PCDHGB2: variants seen among roughly 807,000 people sequenced by gnomAD.
PCDHGB2 encodes the protein protocadherin gamma-B2.
In PCDHGB2, 55 loss-of-function variants were observed where a neutral mutation model predicts 59.3. The ratio of observed to expected loss-of-function variants is 0.93; its 90% CI spans 0.75 to 1.16. The LOEUF (loss-of-function observed/expected upper bound fraction) is 1.16. Ranked by LOEUF, PCDHGB2 falls within the 50% of genes most tolerant of loss-of-function variation. PCDHGB2 has a pLI of 0.00. For synonymous variants in PCDHGB2, 516 were observed against 512.0 expected (o/e 1.01, Z -0.11); for missense variants, 1,228 against 1,198.5 (o/e 1.02, Z -0.36).
intron 1 of PCDHGB2, among the ~76,000 whole-genome samples, chr5:141,472,869 C>T (rs919331906): frequency 6.6e-6 from 1 of 151,388 alleles, no homozygotes; most frequent in Non-Finnish European, 1.5e-5. Context: ...GCCTGTATTC[C>T]CAGCTACTCG....
At chr5:141,403,306 A>C in intron 1 of PCDHGB2, 1 of 1,613,908 alleles carries the variant, frequency 6.2e-7, no homozygotes, top group Non-Finnish European at 8.5e-7. Context: ...AACTGTACGG[A>C]ATAGAAATAG....
chr5:141,493,140 C>T lies in PCDHGB2; in HGVS notation c.2422-1667C>T, dbSNP rs2099746336. Among the ~76,000 whole-genome samples, 1 of 146,374 alleles carries T rather than the reference C, an allele frequency of 6.8e-6. No homozygotes were observed. Among genetic ancestry groups the T allele is most frequent in the African/African-American group, 2.5e-5 (1 of 40,746 alleles). ...GCTCCTAGGACTGTATTTTGAAACACCCCCAGGTGATTTTGATAGCTGATT... is the reference window on the plus strand; with the variant it reads ...GCTCCTAGGACTGTATTTTGAAACATCCCCAGGTGATTTTGATAGCTGATT... On this transcript the variant is annotated intron_variant, in intron 1 of 3. Transcript: ENST00000522605. This position sits in a 1 kb window ranked among gnomAD's most constrained non-coding sequence, Gnocchi z 4.3.
At position 141,405,317 on chromosome 5, in the gene PCDHGB2, G is replaced by A. The variant is rs1443108777; in HGVS notation, c.2421+42761G>A. ...CAGCCAGCAGAGCTGTGAGAAAAAT[G>A]AGCCTTTGTGCGTCTCTGTTGATTC... On this transcript the variant is annotated intron_variant, in intron 1 of 3. Coordinates refer to ENST00000522605, the MANE Select transcript of PCDHGB2 (RefSeq NM_018923.3). 2.5e-6 allele frequency: 4 copies of A among 1,614,080 alleles called. No individual in the cohort carries two copies. The African/African-American group carries it at 5.3e-5, about 22-fold the overall frequency.
chr5:141,376,309 C>A (rs775051431), intron 1 of PCDHGB2: 109 of 1,614,030 alleles, frequency 6.8e-5, no homozygotes, highest in Non-Finnish European at 8.9e-5. Context: ...ACTTTGTGGG[C>A]GTGGAAGGGG....
intron 1 of PCDHGB2, chr5:141,426,875 C>T (rs1005769074): frequency 8.8e-6 from 4 of 456,566 alleles, no homozygotes; most frequent in African/African-American, 4.0e-5. Context: ...TGGAGAAGCC[C>T]CTGGGCCAGG....
Position 141,485,987 on chromosome 5 carries a change from G to T in PCDHGB2, c.2422-8820G>T. 1 of 1,614,170 alleles carries T rather than the reference G, an allele frequency of 6.2e-7. No homozygotes were observed. On this transcript the variant is annotated intron_variant, in intron 1 of 3. Transcript: ENST00000522605. The surrounding 1 kb of genome is among the most constrained non-coding windows in gnomAD (Gnocchi z 5.7). ...GCTCAATGCCTCAGACCCGGACCTG[G>T]GTCCCAGTGGTAACGTCACCTTTTA...
At chr5:141,459,137 G>C (rs1336232891) in intron 1 of PCDHGB2, among the ~76,000 whole-genome samples, 1 of 152,190 alleles carries the variant, frequency 6.6e-6, no homozygotes, top group Non-Finnish European at 1.5e-5. Context: ...TAACCACCAT[G>C]CAATCAAAAT....
intron 1 of PCDHGB2, chr5:141,417,649 C>G (rs1294192479): frequency 1.2e-6 from 1 of 826,168 alleles, no homozygotes; most frequent in East Asian, 2.8e-5. Flanking sequence ...CCCTCAGCCT[C>G]TAGCCTGGGA....
Position 141,490,731 on chromosome 5 carries a change from G to A in PCDHGB2, c.2422-4076G>A, listed in dbSNP as rs139283997. The A allele has an allele frequency of 6.8e-6, 11 of 1,614,080 alleles. No homozygotes were observed. In the African/African-American group the frequency reaches 1.1e-4, roughly 16 times the overall value. Reference sequence around the variant, plus strand: ...TCACCTACTCCATTGTAGGAAATCAGGTTCAGGGAGCCCCAGCCTCCTCCT... The same window carrying A: ...TCACCTACTCCATTGTAGGAAATCAAGTTCAGGGAGCCCCAGCCTCCTCCT... On this transcript the variant is annotated intron_variant, in intron 1 of 3. Transcript: ENST00000522605. The surrounding 1 kb of genome is among the most constrained non-coding windows in gnomAD (Gnocchi z 5.4).
chr5:141,363,884 G>A (rs1235623688), intron 1 of PCDHGB2, among the ~76,000 whole-genome samples: 1 of 152,096 alleles, frequency 6.6e-6, no homozygotes, highest in Admixed American at 6.5e-5. Flanking sequence ...AAGGACATAG[G>A]CTCCCCCGAT....
chr5:141,488,711 A>G (rs184498001), intron 1 of PCDHGB2, among the ~76,000 whole-genome samples: 100 of 152,290 alleles, frequency 6.6e-4, no homozygotes, highest in Non-Finnish European at 1.2e-3. Context: ...TGCTGGTTCA[A>G]GCAAAGTGGT....
chr5:141,450,183 A>G (rs1461369835), intron 1 of PCDHGB2, among the ~76,000 whole-genome samples: 1 of 151,558 alleles, frequency 6.6e-6, no homozygotes, highest in Non-Finnish European at 1.5e-5. Context: ...ACACCCAGCT[A>G]ATTTTTGTAT....
chr5:141,477,708 G>T lies in PCDHGB2; in HGVS notation c.2422-17099G>T. ...GTGCCCCTAGACTATGAGGATCGGC[G>T]GGAATTTGAATTAACAGCTCATATC... On this transcript the variant is annotated intron_variant, in intron 1 of 3. Transcript: ENST00000522605. The surrounding 1 kb of genome is among the most constrained non-coding windows in gnomAD (Gnocchi z 4.9). 2 of 1,613,930 alleles carry T rather than the reference G, an allele frequency of 1.2e-6. No individual in the cohort carries two copies. Among genetic ancestry groups the T allele is most frequent in the Non-Finnish European group, 1.7e-6 (2 of 1,180,030 alleles).
At chr5:141,419,290 T>C (rs1160812369) in intron 1 of PCDHGB2, 1 of 1,613,914 alleles carries the variant, frequency 6.2e-7, no homozygotes, top group African/African-American at 1.3e-5. Context: ...TCAGTGCCTC[T>C]GACCCAGACT....
chr5:141,428,658 T>G (rs932328483), intron 1 of PCDHGB2: 1 of 165,620 alleles, frequency 6.0e-6, no homozygotes, highest in Non-Finnish European at 1.3e-5. Flanking sequence ...TGAGTTCCAA[T>G]GAATGTCTTT....
At chr5:141,366,757 T>C in intron 1 of PCDHGB2, 1 of 1,606,518 alleles carries the variant, frequency 6.2e-7, no homozygotes, top group African/African-American at 1.3e-5. Context: ...TTCAGGTTAG[T>C]TTTCTCTTTC....
chr5:141,371,752 A>G, intron 1 of PCDHGB2: 1 of 1,614,006 alleles, frequency 6.2e-7, no homozygotes, highest in Non-Finnish European at 8.5e-7. Flanking sequence ...CCCGTTTTCC[A>G]CCAGGCCTCC....
chr5:141,451,209 G>C (rs556588482), intron 1 of PCDHGB2, among the ~76,000 whole-genome samples: 1 of 152,266 alleles, frequency 6.6e-6, no homozygotes, highest in African/African-American at 2.4e-5. Flanking sequence ...CCAAAACTTA[G>C]TGGCTTAAAA....
chr5:141,384,035 A>G (rs774600484), intron 1 of PCDHGB2: 2 of 1,613,378 alleles, frequency 1.2e-6, no homozygotes, highest in Non-Finnish European at 1.7e-6. Context: ...TCTGGAAAGA[A>G]TGGTGAGGTG....
Sources: allele counts gnomAD v4.1 joint callset (sites outside exome capture counted in the v4.1 genomes callset), GRCh38; gene constraint gnomAD v4.1.1; non-coding constraint Gnocchi (gnomAD v3.1); transcripts MANE v1.5; gene names NCBI Gene and HGNC (gene_info 2026-07-23, HGNC 2026-07-21).